TENM1: variants seen among roughly 807,000 people sequenced by gnomAD.
TENM1 encodes the protein teneurin-1.
Under a neutral mutation model 174.8 loss-of-function variants are expected in TENM1, and 35 were observed. The ratio of observed to expected loss-of-function variants is 0.20; its 90% CI spans 0.15 to 0.27. The LOEUF (loss-of-function observed/expected upper bound fraction) is 0.27. Ranked by LOEUF, TENM1 falls within the 10% of genes least tolerant of loss-of-function variation. TENM1 has a pLI of 1.00. For missense variants in TENM1, 1,633 were observed against 2,130.1 expected (o/e 0.77, Z 4.59); for synonymous variants, 781 against 798.7 (o/e 0.98, Z 0.37).
intron 15 of TENM1, among the ~76,000 whole-genome samples, chrX:124,530,269 A>G (rs1408962814): frequency 1.8e-5 from 2 of 110,308 alleles, no homozygotes; most frequent in African/African-American, 6.6e-5. Context: ...TTTTGTTATT[A>G]TATAATACAC....
chrX:124,937,265 A>G (rs748185670), intron 1 of TENM1, among the ~76,000 whole-genome samples: 2 of 111,916 alleles, frequency 1.8e-5, no homozygotes, highest in South Asian at 7.5e-4. Context: ...AACAACATGG[A>G]ACAATCAGCT....
intron 24 of TENM1, among the ~76,000 whole-genome samples, chrX:124,421,336 C>T (rs769188190): frequency 2.6e-4 from 29 of 111,843 alleles, no homozygotes; most frequent in African/African-American, 7.8e-4. Context: ...TTGCTTTGAC[C>T]GAAAGATACA....
chrX:124,669,039 T>G (rs2051852403), intron 6 of TENM1, among the ~76,000 whole-genome samples: 1 of 111,938 alleles, frequency 8.9e-6, no homozygotes, highest in Admixed American at 9.5e-5. Context: ...GGAATGTCAA[T>G]GAAGTTCAAA....
chrX:124,735,698 A>G (rs2053654656), intron 4 of TENM1, among the ~76,000 whole-genome samples: 1 of 112,076 alleles, frequency 8.9e-6, no homozygotes, highest in Non-Finnish European at 1.9e-5. Flanking sequence ...GTGTCCATCA[A>G]TGAATAATTG....
chrX:124,523,918 A>G (rs1323717240), intron 16 of TENM1, among the ~76,000 whole-genome samples: 2 of 96,201 alleles, frequency 2.1e-5, no homozygotes, highest in East Asian at 3.2e-4. Flanking sequence ...CTGTCACCCC[A>G]GGCTGGAGTG....
the TENM1 span, among the ~76,000 whole-genome samples, chrX:125,085,537 G>A: frequency 3.0e-4 from 33 of 111,158 alleles, no homozygotes; most frequent in African/African-American, 1.0e-3. Flanking sequence ...AACTGTGAGA[G>A]TGCCTGTCTC....
chrX:124,827,177 A>T (rs2056183114), intron 3 of TENM1, among the ~76,000 whole-genome samples: 1 of 111,087 alleles, frequency 9.0e-6, no homozygotes, highest in African/African-American at 3.3e-5. Flanking sequence ...CAGCCTCCTG[A>T]GTAGCTGGGA....
the TENM1 span, among the ~76,000 whole-genome samples, chrX:125,024,339 G>GAT: frequency 6.5e-4 from 69 of 105,905 alleles, no homozygotes; most frequent in East Asian, 0.014. Context: ...TGGATGACTG[G>GAT]ATATATATAT....
At chrX:124,477,580 C>T (rs112305932) in intron 22 of TENM1, among the ~76,000 whole-genome samples, 655 of 109,349 alleles carry the variant, frequency 6.0e-3, no homozygotes, top group African/African-American at 0.02. Context: ...GGTGAAACCC[C>T]GTCTCTACTA....
chrX:124,738,662 C>T (rs1205560713), intron 3 of TENM1, among the ~76,000 whole-genome samples: 4 of 111,865 alleles, frequency 3.6e-5, no homozygotes, highest in Non-Finnish European at 7.5e-5. Context: ...CAGCTCAAAT[C>T]CCATATTCAC....
the TENM1 span, among the ~76,000 whole-genome samples, chrX:125,079,388 C>A: frequency 9.0e-6 from 1 of 111,460 alleles, no homozygotes; most frequent in Non-Finnish European, 1.9e-5. Flanking sequence ...TTATAAAAGA[C>A]CTTTCTTGAA....
At position 124,631,742 on chromosome X, in the gene TENM1, AC is replaced by A. The variant is rs1448067765; in HGVS notation, c.2077+10048del. 1.2e-3 allele frequency among the ~76,000 whole-genome samples: 133 copies of A among 108,298 alleles called. 2 individuals carry two copies. The highest frequency in any genetic ancestry group is 4.3e-3 in the African/African-American group (128 of 29,872). The allele number at this position is 108,298 out of a possible 115,157, so 94.0% of individuals were successfully genotyped here. ...GTGAAACCCCATCTCTACTAAAAAT[AC>A]AAAAAAATTAGCCAGGTGTGGTGGC... On this transcript the variant is annotated intron_variant, in intron 11 of 31. Coordinates refer to ENST00000422452, the Ensembl canonical transcript of TENM1.
chrX:125,157,106 C>T, the TENM1 span, among the ~76,000 whole-genome samples: 19 of 112,013 alleles, frequency 1.7e-4, no homozygotes, highest in East Asian at 5.3e-3. Flanking sequence ...ATGCCTGGGC[C>T]CCATTCTGAC....
chrX:124,607,239 T>C lies in TENM1; in HGVS notation c.2077+34552A>G, dbSNP rs770092068. ...TATGTGTATGTGTAGGGGGTGATGG[T>C]ATGGCAGAGAATAATAAATGAATAT... On this transcript the variant is annotated intron_variant, in intron 11 of 31. Coordinates refer to ENST00000422452, the Ensembl canonical transcript of TENM1. 5.4e-5 allele frequency among the ~76,000 whole-genome samples: 6 copies of C among 111,232 alleles called. No individual in the cohort carries two copies. The East Asian group carries it at 1.7e-3, about 32-fold the overall frequency.
At chrX:125,049,184 A>T in the TENM1 span, among the ~76,000 whole-genome samples, 1 of 111,578 alleles carries the variant, frequency 9.0e-6, no homozygotes, top group Non-Finnish European at 1.9e-5. Flanking sequence ...ATTACCACTA[A>T]TTCCAAAACA....
intron 11 of TENM1, among the ~76,000 whole-genome samples, chrX:124,636,086 A>G (rs2050872897): frequency 8.9e-6 from 1 of 112,179 alleles, no homozygotes; most frequent in African/African-American, 3.2e-5. Context: ...GTATCAGAGC[A>G]GCACAGTTAA....
chrX:124,614,164 G>C (rs1394186668), intron 11 of TENM1, among the ~76,000 whole-genome samples: 3 of 111,902 alleles, frequency 2.7e-5, no homozygotes, highest in Non-Finnish European at 5.6e-5. Context: ...ATATGGAACA[G>C]AGTCAGGGCT....
At chrX:124,737,314 A>G in intron 3 of TENM1, 117 bp from the exon 7 acceptor site, 1 of 861,335 alleles carries the variant, frequency 1.2e-6, no homozygotes. Context: ...GGGGTGAGGG[A>G]GGTTGTTTTA....
the TENM1 span, among the ~76,000 whole-genome samples, chrX:124,983,163 T>C: frequency 0.38 from 41,528 of 110,264 alleles, 7,033 homozygotes; most frequent in African/African-American, 0.67. Context: ...TTTATTGTTC[T>C]CTTTTTACTG....
Sources: allele counts gnomAD v4.1 joint callset (sites outside exome capture counted in the v4.1 genomes callset), GRCh38; gene constraint gnomAD v4.1.1; transcripts MANE v1.5; gene names NCBI Gene and HGNC (gene_info 2026-07-23, HGNC 2026-07-21).